Variants in TMEM62 observed in about 807,000 individuals in gnomAD.
TMEM62 encodes transmembrane protein 62.
Under a neutral mutation model 70.4 loss-of-function variants are expected in TMEM62, and 41 were observed. The ratio of observed to expected loss-of-function variants is 0.58; its 90% CI spans 0.45 to 0.76. The LOEUF (loss-of-function observed/expected upper bound fraction) is 0.76, where lower values mean the gene tolerates loss of function less well. Among genes scored for constraint, TMEM62 ranks in the 30% least tolerant of loss-of-function variants. TMEM62 has a pLI of 0.00. For missense variants in TMEM62, 688 were observed against 788.5 expected, an observed-to-expected ratio of 0.87 and a Z score of 1.53; for synonymous variants, 268 against 291.0, an observed-to-expected ratio of 0.92 and a Z score of 0.80.
At chr15:43,149,624 G>A (rs2037120341) in intron 7 of TMEM62, among the ~76,000 whole-genome samples, 2 of 151,838 alleles carry the variant, frequency 1.3e-5, no homozygotes, top group Admixed American at 6.6e-5. Flanking sequence ...GTTTCACCAT[G>A]TTTGCCAGGC....
chr15:43,184,718 T>A lies in TMEM62; in HGVS notation c.*132T>A. 1.3e-6 allele frequency: 1 copy of A among 752,150 alleles called. No homozygotes were observed. The highest frequency in any genetic ancestry group is 2.1e-6 in the Non-Finnish European group (1 of 468,956). The allele number at this position is 752,150 out of a possible 1,614,324, so 46.6% of individuals were successfully genotyped here. A position where few individuals can be genotyped will look rare whatever the true frequency, so the allele number is the denominator to read the frequency against. ...TTAGGGAGCAGCTGCTCGTTTGGAGTCCTGGACGTTGGAGGGATTACCCAC... is the reference window on the plus strand; with the variant it reads ...TTAGGGAGCAGCTGCTCGTTTGGAGACCTGGACGTTGGAGGGATTACCCAC... On this transcript the variant is annotated 3_prime_UTR_variant, in exon 14 of 14. Coordinates refer to ENST00000260403, the MANE Select transcript of TMEM62 (RefSeq NM_024956.4).
At chr15:43,172,927 A>G (rs1207265184) in intron 11 of TMEM62, among the ~76,000 whole-genome samples, 1 of 152,218 alleles carries the variant, frequency 6.6e-6, no homozygotes, top group African/African-American at 2.4e-5. Flanking sequence ...ATGGCAACAT[A>G]TTAAAACTCA....
At chr15:43,173,116 T>TG (rs1380451682) in intron 11 of TMEM62, among the ~76,000 whole-genome samples, 3 of 152,162 alleles carry the variant, frequency 2.0e-5, no homozygotes. Context: ...TAATCCCAGC[T>TG]ACTCAGGAGG....
At chr15:43,150,914 C>A (rs1297736141) in intron 7 of TMEM62, among the ~76,000 whole-genome samples, 1 of 152,156 alleles carries the variant, frequency 6.6e-6, no homozygotes, top group African/African-American at 2.4e-5. Flanking sequence ...TTGTTTCTGC[C>A]ATAGTGAATC....
intron 12 of TMEM62, among the ~76,000 whole-genome samples, chr15:43,179,493 G>T (rs1389435583): frequency 3.3e-5 from 5 of 152,116 alleles, no homozygotes; most frequent in African/African-American, 1.2e-4. Flanking sequence ...GGAGCTGGAG[G>T]TATATAATAG....
At chr15:43,150,059 C>T (rs754960081) in intron 7 of TMEM62, among the ~76,000 whole-genome samples, 2 of 152,128 alleles carry the variant, frequency 1.3e-5, no homozygotes, top group Non-Finnish European at 2.9e-5. Context: ...TTTACACAAA[C>T]CCTGTGCTCT....
At chr15:43,164,650 G>A (rs902633400) in intron 10 of TMEM62, among the ~76,000 whole-genome samples, 1 of 151,960 alleles carries the variant, frequency 6.6e-6, no homozygotes, top group Non-Finnish European at 1.5e-5. Context: ...GTGAATCACT[G>A]TGCCTAGACT....
intron 11 of TMEM62, among the ~76,000 whole-genome samples, chr15:43,171,784 C>G (rs188604589): frequency 6.6e-6 from 1 of 151,614 alleles, no homozygotes; most frequent in Non-Finnish European, 1.5e-5. Flanking sequence ...CCCACCACCA[C>G]GCCTGGCTAA....
In TMEM62 at chr15:43,138,566, TA is replaced by T. The variant is rs1484142465; in HGVS notation, c.431-5del. ...TGAATGTTTGCTTTTTTTTTTTTTT[TA>T]AATTAGATGCATTCAATATTCCAAG... On this transcript the variant is annotated splice_polypyrimidine_tract_variant and splice_region_variant and intron_variant, in intron 3 of 13. Coordinates refer to ENST00000260403, the MANE Select transcript of TMEM62 (RefSeq NM_024956.4). 5 of 1,557,440 alleles carry T rather than the reference TA, an allele frequency of 3.2e-6. No homozygotes were observed. Among genetic ancestry groups the T allele is most frequent in the Non-Finnish European group, 3.5e-6 (4 of 1,141,320 alleles).
intron 3 of TMEM62, among the ~76,000 whole-genome samples, chr15:43,137,861 C>T (rs1009498523): frequency 6.6e-6 from 1 of 152,220 alleles, no homozygotes; most frequent in African/African-American, 2.4e-5. Flanking sequence ...TGTTCATTGC[C>T]GTCATCTGCA....
In TMEM62 at chr15:43,160,681, G is replaced by A. The variant is rs1440469502; in HGVS notation, c.1183G>A (p.Asp395Asn). Reference sequence around the variant, plus strand: ...ACTTTTCTTCTGTGGTTATTACTAGGATTCTGCTGGAAGAAGTAAGAGTGT... The same window carrying A: ...ACTTTTCTTCTGTGGTTATTACTAGAATTCTGCTGGAAGAAGTAAGAGTGT... ...GTHNIEVIVQDSAGRSKSVHH... is the reference protein window; with the variant it reads ...GTHNIEVIVQNSAGRSKSVHH... Residue 395 changes from aspartate (D) to asparagine (N), a missense_variant and splice_region_variant, in exon 10 of 14, where the codon GAT becomes AAT. Transcript: ENST00000260403. 4.5e-6 allele frequency: 7 copies of A among 1,568,526 alleles called. No individual in the cohort carries two copies. Among genetic ancestry groups the A allele is most frequent in the African/African-American group, 1.4e-5 (1 of 73,748 alleles).
chr15:43,163,765 G>C (rs959484850), intron 10 of TMEM62, among the ~76,000 whole-genome samples: 2 of 146,118 alleles, frequency 1.4e-5, no homozygotes, highest in Admixed American at 7.0e-5. Context: ...CTGGGTGACA[G>C]AGCGAGACTC....
intron 4 of TMEM62, among the ~76,000 whole-genome samples, chr15:43,144,044 A>G (rs970922762): frequency 2.0e-5 from 3 of 152,262 alleles, no homozygotes; most frequent in African/African-American, 7.2e-5. Context: ...AGGAAATGCT[A>G]GATTATTTGG....
In TMEM62 at chr15:43,177,139, A is replaced by G. The variant is rs537845198; in HGVS notation, c.1382-1468A>G. 1.2e-4 allele frequency among the ~76,000 whole-genome samples: 19 copies of G among 152,166 alleles called. No individual in the cohort carries two copies. In the East Asian group the frequency reaches 3.5e-3, roughly 28 times the overall value. The stretch of plus-strand genomic sequence containing the variant: ...AAGCGAGAAGGGAAGTTTAGAGAAA[A>G]AAGAATAAAAAGAAACGAGCAAAGC... On this transcript the variant is annotated intron_variant, in intron 11 of 13. Coordinates refer to ENST00000260403, the MANE Select transcript of TMEM62 (RefSeq NM_024956.4).
chr15:43,146,274 G>A (rs2036646285), intron 4 of TMEM62: 3 of 431,446 alleles, frequency 7.0e-6, no homozygotes, highest in Non-Finnish European at 1.2e-5. Flanking sequence ...TGGTGAACTT[G>A]TATTTGGTTA....
chr15:43,178,963 C>T (rs2041065414), intron 12 of TMEM62, among the ~76,000 whole-genome samples: 1 of 152,188 alleles, frequency 6.6e-6, no homozygotes, highest in Non-Finnish European at 1.5e-5. Flanking sequence ...CTAATAGAAG[C>T]TTAAATAGCA....
In TMEM62 at chr15:43,160,663, T is replaced by C; in HGVS notation, c.1183-18T>C. On this transcript the variant is annotated intron_variant, in intron 9 of 13. Transcript: ENST00000260403. ...TCCATGTACATGAAAGTTACTTTTC[T>C]TCTGTGGTTATTACTAGGATTCTGC... 1 of 1,414,734 alleles carries C rather than the reference T, an allele frequency of 7.1e-7. No homozygotes were observed. Among genetic ancestry groups the C allele is most frequent in the Non-Finnish European group, 9.9e-7 (1 of 1,011,188 alleles). 87.6% of individuals were successfully genotyped at this position (1,414,734 alleles called of 1,614,324 possible). A position where few individuals can be genotyped will look rare whatever the true frequency, so the allele number is the denominator to read the frequency against.
chr15:43,154,717 G>C lies in TMEM62; in HGVS notation c.1068G>C (p.Lys356Asn). 1 of 1,613,804 alleles carries C rather than the reference G, an allele frequency of 6.2e-7. No homozygotes were observed. The highest frequency in any genetic ancestry group is 8.5e-7 in the Non-Finnish European group (1 of 1,179,920). Residue 356 changes from lysine (K) to asparagine (N), a missense_variant, in exon 9 of 14, where the codon AAG becomes AAC. Transcript: ENST00000260403. ...SLSSITSVTVKIDGVHLGQAV... is the reference protein window; with the variant it reads ...SLSSITSVTVNIDGVHLGQAV... ...CCTCCATTACTTCTGTCACAGTTAA[G>C]ATTGATGGAGTTCATTTAGGCCAGG...
chr15:43,159,074 T>G (rs1008361565), intron 9 of TMEM62, among the ~76,000 whole-genome samples: 28 of 152,224 alleles, frequency 1.8e-4, no homozygotes, highest in African/African-American at 6.5e-4. Flanking sequence ...TTATGCATTT[T>G]TTTCTTTAAA....
Sources: allele counts gnomAD v4.1 joint callset (sites outside exome capture counted in the v4.1 genomes callset), GRCh38; gene constraint gnomAD v4.1.1; transcripts MANE v1.5; gene names NCBI Gene and HGNC (gene_info 2026-07-23, HGNC 2026-07-21).